BOP1: variants seen among roughly 807,000 people sequenced by gnomAD.
The protein encoded by BOP1 is ribosome biogenesis protein BOP1.
BOP1 carries 54 observed loss-of-function variants against 82.9 expected under a neutral mutation model. That is an observed-to-expected ratio of 0.65 (90% confidence interval 0.52 to 0.82). The LOEUF is 0.82. Among genes scored for constraint, BOP1 ranks in the 40% least tolerant of loss-of-function variants. The pLI, the probability that BOP1 is intolerant of heterozygous loss-of-function variation, is 0.00. For synonymous variants in BOP1, 566 were observed against 451.1 expected (o/e 1.25, Z -3.23); for missense variants, 1,170 against 1,072.0 (o/e 1.09, Z -1.28).
chr8:144,267,905 T>G, intron 3 of BOP1, among the ~76,000 whole-genome samples: 1 of 152,200 alleles, frequency 6.6e-6, no homozygotes, highest in South Asian at 2.1e-4. Flanking sequence ...GGCCTGAACA[T>G]CTGGGAAATT....
Position 144,291,390 on chromosome 8 carries a change from G to T in BOP1, c.-20C>A. On this transcript the variant is annotated 5_prime_UTR_variant, in exon 1 of 16. Transcript: ENST00000569669. The surrounding 1 kb of genome is among the most constrained non-coding windows in gnomAD (Gnocchi z 4.1). ...CGCCATGCCCCACCGCGCGCCGGCC[G>T]CCACCCGCACAGCCGCTTCCGACAG... 8.5e-7 allele frequency: 1 copy of T among 1,175,928 alleles called. No homozygotes were observed. The highest frequency in any genetic ancestry group is 1.0e-6 in the Non-Finnish European group (1 of 956,218). 72.8% of individuals were successfully genotyped at this position (1,175,928 alleles called of 1,614,324 possible).
chr8:144,291,394 C>T lies in BOP1; in HGVS notation c.-24G>A, dbSNP rs1815070866. ...ATGCCCCACCGCGCGCCGGCCGCCA[C>T]CCGCACAGCCGCTTCCGACAGCGAC... On this transcript the variant is annotated 5_prime_UTR_variant, in exon 1 of 16. The change creates a new upstream start codon in the 5' untranslated region. Coordinates refer to ENST00000569669, the MANE Select transcript of BOP1 (RefSeq NM_015201.5). The surrounding 1 kb of genome is among the most constrained non-coding windows in gnomAD (Gnocchi z 4.1). 11 of 1,164,348 alleles carry T rather than the reference C, an allele frequency of 9.4e-6. 1 individual carries two copies. The South Asian group carries it at 3.6e-4, about 38-fold the overall frequency. 72.1% of individuals were successfully genotyped at this position (1,164,348 alleles called of 1,614,324 possible). A position where few individuals can be genotyped will look rare whatever the true frequency, so the allele number is the denominator to read the frequency against.
At chr8:144,268,271 C>A in intron 3 of BOP1, 1 of 1,391,862 alleles carries the variant, frequency 7.2e-7, no homozygotes, top group Non-Finnish European at 9.8e-7. Flanking sequence ...CAGGCCAGCC[C>A]TGGCTGCGAG....
At chr8:144,266,381 TGA>T (rs1845363890) in intron 3 of BOP1, among the ~76,000 whole-genome samples, 2 of 146,758 alleles carry the variant, frequency 1.4e-5, no homozygotes, top group African/African-American at 2.5e-5. Flanking sequence ...GCCTCCGGGC[TGA>T]GAGGGGCGGG....
At chr8:144,265,213 C>A in intron 3 of BOP1, 142 bp from the exon 4 acceptor site, 2 of 946,240 alleles carry the variant, frequency 2.1e-6, no homozygotes, top group Middle Eastern at 3.4e-4. Context: ...CCCTGACCTA[C>A]GCCTGTTCCC....
At chr8:144,282,522 G>A (rs546333473) in intron 2 of BOP1, among the ~76,000 whole-genome samples, 13 of 152,266 alleles carry the variant, frequency 8.5e-5, no homozygotes, top group African/African-American at 3.1e-4. Context: ...CTGTAGCAGG[G>A]ACGCAAAGGG....
At chr8:144,290,046 C>A (rs1308447415) in intron 1 of BOP1, among the ~76,000 whole-genome samples, 1 of 152,148 alleles carries the variant, frequency 6.6e-6, no homozygotes, top group African/African-American at 2.4e-5. Context: ...AAGGGTGGAA[C>A]AAGAACTTAG....
At chr8:144,265,211 T>G (rs1232339200) in intron 3 of BOP1, 140 bp from the exon 4 acceptor site, 67 of 968,426 alleles carry the variant, frequency 6.9e-5, no homozygotes, top group Non-Finnish European at 9.3e-5. Flanking sequence ...GGCCCTGACC[T>G]ACGCCTGTTC....
chr8:144,266,796 CGGGGGCGGGGGGCCA>C lies in BOP1; in HGVS notation c.391-1740_391-1726del, dbSNP rs1845380036. ...GGCGGAGGGCGGGGGGCCGGCGGGCCGGGGGCGGGGGGCCAGGGGGCCGGCCAGGCCGTGAGCCCC... is the reference window on the plus strand; with the variant it reads ...GGCGGAGGGCGGGGGGCCGGCGGGCCGGGGGCCGGCCAGGCCGTGAGCCCC... On this transcript the variant is annotated intron_variant, in intron 3 of 15. Transcript: ENST00000569669. 3.6e-6 allele frequency: 4 copies of C among 1,103,932 alleles called. No homozygotes were observed. In the African/African-American group the frequency reaches 6.7e-5, roughly 19 times the overall value. The allele number at this position is 1,103,932 out of a possible 1,614,324, so 68.4% of individuals were successfully genotyped here.
chr8:144,272,468 C>T (rs944137222), intron 3 of BOP1, among the ~76,000 whole-genome samples: 2,818 of 152,304 alleles, frequency 0.019, 70 homozygotes, highest in African/African-American at 0.063. Flanking sequence ...GCCGTCACCA[C>T]CTGCCCAACA....
Position 144,280,427 on chromosome 8 carries a change from C to A in BOP1, c.310-4123G>T, listed in dbSNP as rs1041205319. On this transcript the variant is annotated intron_variant, in intron 2 of 15. Coordinates refer to ENST00000569669, the MANE Select transcript of BOP1 (RefSeq NM_015201.5). The stretch of plus-strand genomic sequence containing the variant: ...CCCAGAACCACAGCGACAGGGGGCC[C>A]GAGCCCAGGGTTCCCACGCTGCAGC... Among the ~76,000 whole-genome samples, 3 of 152,260 alleles carry A rather than the reference C, an allele frequency of 2.0e-5. No homozygotes were observed. The East Asian group carries it at 5.8e-4, about 29-fold the overall frequency.
At chr8:144,275,088 G>A (rs2130236526) in intron 3 of BOP1, among the ~76,000 whole-genome samples, 1 of 151,988 alleles carries the variant, frequency 6.6e-6, no homozygotes, top group East Asian at 1.9e-4. Context: ...CAAGAGAGCC[G>A]AAGGATGGGG....
At chr8:144,286,388 GGTGC>G (rs1814869266) in intron 2 of BOP1, among the ~76,000 whole-genome samples, 5 of 149,020 alleles carry the variant, frequency 3.4e-5, no homozygotes, top group African/African-American at 1.2e-4. Context: ...CACGCGGGCA[GGTGC>G]ATGGGCGCCA....
intron 9 of BOP1, 27 bp downstream of exon 9, chr8:144,263,804 A>G: frequency 4.4e-6 from 7 of 1,608,192 alleles, no homozygotes; most frequent in Middle Eastern, 2.1e-4. Flanking sequence ...GGGAGGGTGC[A>G]ACCCCAGCCC....
chr8:144,269,425 C>T (rs1037137265), intron 3 of BOP1, among the ~76,000 whole-genome samples: 1 of 152,202 alleles, frequency 6.6e-6, no homozygotes, highest in Non-Finnish European at 1.5e-5. Context: ...GTGCTGTGGC[C>T]CACGTGGGCA....
rs148287422 is a variant in BOP1 at position 144,289,251 on chromosome 8, G to A, written c.153C>T (p.Gly51=). ...PLSHSTGSDS[G]VSDSEESVFS... The stretch of plus-strand genomic sequence containing the variant: ...ACACACTTTCCTCGCTGTCGGAGAC[G>A]CCAGAATCGCTGCCGGTGCTGTGGC... The change falls in exon 2 of 16, where the codon GGC becomes GGT. Residue 51 remains glycine (G), a synonymous_variant. Transcript: ENST00000569669. The A allele has an allele frequency of 9.9e-4, 1,594 of 1,614,008 alleles. 3 individuals are homozygous for A. Among genetic ancestry groups the A allele is most frequent in the Non-Finnish European group, 1.2e-3 (1,441 of 1,179,944 alleles).
Position 144,264,696 on chromosome 8 carries a change from C to A in BOP1, c.663+18G>T. On this transcript the variant is annotated intron_variant, in intron 5 of 15. Coordinates refer to ENST00000569669, the MANE Select transcript of BOP1 (RefSeq NM_015201.5). ...CTCCAGGACCCCCGCCGCCCAGGGG[C>A]CAGCCCCTGCCACCTACCTCATAGG... 18 of 1,565,712 alleles carry A rather than the reference C, an allele frequency of 1.1e-5. No homozygotes were observed. Among genetic ancestry groups the A allele is most frequent in the Non-Finnish European group, 1.6e-5 (18 of 1,155,952 alleles).
At chr8:144,264,481 G>A (rs1205514885) in intron 6 of BOP1, 34 bp downstream of exon 6, 8 of 1,608,148 alleles carry the variant, frequency 5.0e-6, no homozygotes, top group Non-Finnish European at 5.9e-6. Context: ...GGGGCGGTCA[G>A]CCCAGGCCAA....
At chr8:144,278,401 G>A (rs1227847768) in intron 2 of BOP1, among the ~76,000 whole-genome samples, 9 of 152,300 alleles carry the variant, frequency 5.9e-5, no homozygotes, top group Non-Finnish European at 8.8e-5. Flanking sequence ...GTGTCCAAGC[G>A]CATGAGCCCC....
Sources: allele counts gnomAD v4.1 joint callset (sites outside exome capture counted in the v4.1 genomes callset), GRCh38; gene constraint gnomAD v4.1.1; non-coding constraint Gnocchi (gnomAD v3.1); transcripts MANE v1.5; gene names NCBI Gene and HGNC (gene_info 2026-07-23, HGNC 2026-07-21).